FMN2: variants seen among roughly 807,000 people sequenced by gnomAD.
The protein encoded by FMN2 is formin-2.
Under a neutral mutation model 142.3 loss-of-function variants are expected in FMN2, and 51 were observed. That is an observed-to-expected ratio of 0.36 (90% CI 0.29 to 0.45). FMN2 has a LOEUF of 0.45. FMN2 is among the 20% of genes least tolerant of loss of function. The pLI, the probability that FMN2 is intolerant of heterozygous loss-of-function variation, is 1.00. For missense variants in FMN2, 1,936 were observed against 2,122.8 expected (o/e 0.91, Z 1.73); for synonymous variants, 882 against 869.8 (o/e 1.01, Z -0.25).
chr1:240,408,752 G>T (rs549829629), intron 15 of FMN2, among the ~76,000 whole-genome samples: 1 of 152,052 alleles, frequency 6.6e-6, no homozygotes, highest in East Asian at 1.9e-4. Context: ...CATAGTTTAT[G>T]AATCAATAAA....
intron 2 of FMN2, among the ~76,000 whole-genome samples, chr1:240,131,525 A>G (rs984933961): frequency 3.3e-5 from 5 of 152,096 alleles, no homozygotes; most frequent in African/African-American, 9.7e-5. Context: ...CCTGACCAAC[A>G]TGGTGAAACC....
intron 2 of FMN2, among the ~76,000 whole-genome samples, chr1:240,133,542 T>A (rs1662823743): frequency 6.6e-6 from 1 of 152,198 alleles, no homozygotes; most frequent in Non-Finnish European, 1.5e-5. Flanking sequence ...TCCTTCTGCC[T>A]TTCAATACTT....
intron 15 of FMN2, among the ~76,000 whole-genome samples, chr1:240,408,436 TAGAA>T (rs1674285793): frequency 6.6e-6 from 1 of 152,142 alleles, no homozygotes; most frequent in African/African-American, 2.4e-5. Context: ...AAGAGGAAAT[TAGAA>T]AGAGGACATA....
intron 16 of FMN2, among the ~76,000 whole-genome samples, chr1:240,439,045 G>A (rs1675507077): frequency 6.6e-6 from 1 of 152,082 alleles, no homozygotes; most frequent in Non-Finnish European, 1.5e-5. Context: ...GGCCAAGGCA[G>A]GCAGATCACT....
intron 8 of FMN2, among the ~76,000 whole-genome samples, chr1:240,296,193 C>CTTT (rs59482806): frequency 8.3e-6 from 1 of 121,120 alleles, no homozygotes; most frequent in African/African-American, 3.0e-5. Context: ...TTATGTAGTA[C>CTTT]TTTTTTTTTT....
intron 2 of FMN2, chr1:240,144,770 T>G (rs1347965037): frequency 7.2e-7 from 1 of 1,386,382 alleles, no homozygotes; most frequent in African/African-American, 1.4e-5. Context: ...ACAGGCCTCA[T>G]GCTCTGCGTC....
chr1:240,248,178 A>C (rs1173198206), intron 6 of FMN2, among the ~76,000 whole-genome samples: 1 of 151,892 alleles, frequency 6.6e-6, no homozygotes, highest in African/African-American at 2.4e-5. Context: ...TCACTCCCAC[A>C]TATGAGTGAG....
intron 15 of FMN2, among the ~76,000 whole-genome samples, chr1:240,412,676 C>T (rs1674438002): frequency 6.6e-6 from 1 of 152,164 alleles, no homozygotes; most frequent in South Asian, 2.1e-4. Context: ...TATAGGAATA[C>T]AGTGGTTGGG....
At chr1:240,374,437 A>G (rs927156874) in intron 14 of FMN2, among the ~76,000 whole-genome samples, 5 of 152,198 alleles carry the variant, frequency 3.3e-5, no homozygotes, top group Admixed American at 6.5e-5. Flanking sequence ...GTTGTAGTGT[A>G]GCCACCTTCG....
intron 6 of FMN2, among the ~76,000 whole-genome samples, chr1:240,215,315 A>G (rs1666854150): frequency 6.6e-6 from 1 of 152,212 alleles, no homozygotes; most frequent in African/African-American, 2.4e-5. Flanking sequence ...CTTAGCACTT[A>G]TATCAGCTCA....
intron 2 of FMN2, chr1:240,143,870 G>T: frequency 1.3e-6 from 2 of 1,586,300 alleles, no homozygotes; most frequent in Admixed American, 1.7e-5. Flanking sequence ...TCCCATCACA[G>T]GCAGCAGCAG....
intron 14 of FMN2, among the ~76,000 whole-genome samples, chr1:240,359,546 T>TA (rs780237981): frequency 1.3e-5 from 2 of 152,184 alleles, no homozygotes; most frequent in Non-Finnish European, 2.9e-5. Flanking sequence ...CTAAGAGTCT[T>TA]ACGGAATTCA....
rs1047439817 is a variant in FMN2, at chr1:240,474,276, C to G, written c.*122C>G. 3 of 914,608 alleles carry G rather than the reference C, an allele frequency of 3.3e-6. No homozygotes were observed. The highest frequency in any genetic ancestry group is 4.7e-6 in the Non-Finnish European group (3 of 632,106). 56.7% of individuals were successfully genotyped at this position (914,608 alleles called of 1,614,324 possible). A position where few individuals can be genotyped will look rare whatever the true frequency, so the allele number is the denominator to read the frequency against. ...GTTTCTTCTTGACCTCTTGCATAAT[C>G]TTTTTGTTTTCTAGACAGTTCACTA... On this transcript the variant is annotated 3_prime_UTR_variant, in exon 18 of 18. Coordinates refer to ENST00000319653, the MANE Select transcript of FMN2 (RefSeq NM_020066.5).
At chr1:240,186,137 T>C (rs375642503) in intron 3 of FMN2, among the ~76,000 whole-genome samples, 5 of 152,316 alleles carry the variant, frequency 3.3e-5, no homozygotes, top group African/African-American at 1.2e-4. Flanking sequence ...AGTTTTGTTT[T>C]AAAATATATA....
At chr1:240,105,100 CTTTTTTTTTTT>C (rs57841541) in intron 1 of FMN2, among the ~76,000 whole-genome samples, 20 of 73,018 alleles carry the variant, frequency 2.7e-4, no homozygotes, top group East Asian at 2.4e-3. Flanking sequence ...GTTTATGCTT[CTTTTTTTTTTT>C]TTTTTTTTTT....
chr1:240,125,402 A>G (rs975970247), intron 2 of FMN2, among the ~76,000 whole-genome samples: 21 of 152,184 alleles, frequency 1.4e-4, no homozygotes. Context: ...ATGGGAAAAA[A>G]TATATAACTT....
intron 14 of FMN2, among the ~76,000 whole-genome samples, chr1:240,382,012 T>C (rs868009140): frequency 1.3e-5 from 2 of 152,136 alleles, no homozygotes; most frequent in African/African-American, 4.8e-5. Flanking sequence ...ACATTCAAAT[T>C]GGAAAAGAAG....
At chr1:240,153,926 G>T (rs1454118109) in intron 2 of FMN2, among the ~76,000 whole-genome samples, 1 of 151,672 alleles carries the variant, frequency 6.6e-6, no homozygotes, top group Non-Finnish European at 1.5e-5. Flanking sequence ...GACCAGCCTG[G>T]CCAACATGGC....
chr1:240,261,996 C>T (rs1283472855), intron 7 of FMN2, among the ~76,000 whole-genome samples: 1 of 152,090 alleles, frequency 6.6e-6, no homozygotes, highest in Non-Finnish European at 1.5e-5. Context: ...CCTTGAATCA[C>T]ACTCTGGGGG....
Sources: gnomAD v4.1 joint callset for allele counts (sites outside exome capture counted in the v4.1 genomes callset) on GRCh38, gnomAD v4.1.1 for gene constraint, MANE v1.5 for transcripts, NCBI Gene and HGNC (gene_info 2026-07-23, HGNC 2026-07-21) for gene names.